Variants in CSMD3 observed in about 807,000 individuals in gnomAD.
The protein encoded by CSMD3 is CUB and Sushi multiple domains 3.
A neutral mutation model predicts 435.2 loss-of-function variants in CSMD3; 177 were observed. The ratio of observed to expected loss-of-function variants is 0.41; its 90% CI spans 0.36 to 0.46. CSMD3 has a LOEUF of 0.46. Among genes scored for constraint, CSMD3 ranks in the 20% least tolerant of loss-of-function variants. The pLI, the probability that CSMD3 is intolerant of heterozygous loss-of-function variation, is 0.34. For synonymous variants in CSMD3, 1,656 were observed against 1,520.5 expected (o/e 1.09, Z -2.07); for missense variants, 4,265 against 4,504.6 (o/e 0.95, Z 1.52).
intron 13 of CSMD3, among the ~76,000 whole-genome samples, chr8:112,790,955 T>A (rs2078672613): frequency 5.9e-5 from 9 of 152,128 alleles, no homozygotes; most frequent in Admixed American, 5.9e-4. Context: ...AATAAACCAC[T>A]CATATTTAAA....
intron 1 of CSMD3, among the ~76,000 whole-genome samples, chr8:113,388,272 A>G (rs2094447672): frequency 6.6e-6 from 1 of 151,738 alleles, no homozygotes; most frequent in Non-Finnish European, 1.5e-5. Context: ...TATCAGCATG[A>G]AGTAAAAAGT....
chr8:113,012,454 T>C (rs891889373), intron 6 of CSMD3, among the ~76,000 whole-genome samples: 2 of 151,958 alleles, frequency 1.3e-5, no homozygotes, highest in African/African-American at 4.8e-5. Context: ...AATCCCCATG[T>C]GTTGAGGGAA....
chr8:112,973,060 G>T lies in CSMD3; in HGVS notation c.1342+2777C>A, dbSNP rs77835255. 6.6e-3 allele frequency among the ~76,000 whole-genome samples: 1,006 copies of T among 152,002 alleles called. 11 individuals carry two copies. The highest frequency in any genetic ancestry group is 0.023 in the African/African-American group (964 of 41,526). ...ATTGTGTTTTGCAAAATAATAGAGT[G>T]ATTGTGAGAGTTACATGCGATGAAT... On this transcript the variant is annotated intron_variant, in intron 7 of 70. Transcript: ENST00000297405.
chr8:112,621,011 C>T (rs909649948), intron 22 of CSMD3, among the ~76,000 whole-genome samples: 3 of 152,002 alleles, frequency 2.0e-5, no homozygotes, highest in Admixed American at 1.3e-4. Context: ...CCGAGGTGGG[C>T]GGATCACCTG....
intron 25 of CSMD3, among the ~76,000 whole-genome samples, chr8:112,555,383 G>A (rs1563697268): frequency 6.6e-6 from 1 of 151,822 alleles, no homozygotes; most frequent in East Asian, 1.9e-4. Flanking sequence ...ATACATTTAT[G>A]GTATTGTGCT....
At chr8:112,363,470 T>A (rs1249695520) in intron 38 of CSMD3, among the ~76,000 whole-genome samples, 1 of 151,954 alleles carries the variant, frequency 6.6e-6, no homozygotes, top group Non-Finnish European at 1.5e-5. Context: ...AATTTAAGCA[T>A]CCTGAGTCTT....
At chr8:112,356,201 T>C (rs1266979978) in intron 38 of CSMD3, among the ~76,000 whole-genome samples, 13 of 151,966 alleles carry the variant, frequency 8.6e-5, no homozygotes, top group Admixed American at 8.5e-4. Flanking sequence ...GGAAAAAAAA[T>C]CATTCTACCA....
chr8:113,174,786 T>A (rs969489620), intron 3 of CSMD3, among the ~76,000 whole-genome samples: 3 of 151,824 alleles, frequency 2.0e-5, no homozygotes, highest in African/African-American at 7.2e-5. Flanking sequence ...ACCTTTATAC[T>A]ACAAATAATA....
chr8:113,079,013 G>A (rs921657206), intron 5 of CSMD3, among the ~76,000 whole-genome samples: 1 of 152,108 alleles, frequency 6.6e-6, no homozygotes, highest in Non-Finnish European at 1.5e-5. Flanking sequence ...TTGCTTCACA[G>A]ACAGAATATG....
At chr8:113,197,166 G>A (rs1329351556) in intron 3 of CSMD3, among the ~76,000 whole-genome samples, 1 of 151,164 alleles carries the variant, frequency 6.6e-6, no homozygotes, top group African/African-American at 2.4e-5. Flanking sequence ...TCAAAACCCA[G>A]GATATTGTGA....
intron 1 of CSMD3, among the ~76,000 whole-genome samples, chr8:113,324,147 C>T (rs1467663028): frequency 6.6e-6 from 1 of 152,110 alleles, no homozygotes; most frequent in African/African-American, 2.4e-5. Context: ...AATTTGCAGC[C>T]TGACAATGTG....
At chr8:112,682,408 T>C (rs936555823) in intron 16 of CSMD3, 34 bp downstream of exon 16, 2 of 1,484,028 alleles carry the variant, frequency 1.3e-6, no homozygotes, top group East Asian at 4.5e-5. Flanking sequence ...ATAATGATGA[T>C]GAGGTTCTAT....
chr8:112,302,628 T>C (rs1464011126), intron 52 of CSMD3, among the ~76,000 whole-genome samples: 1 of 152,064 alleles, frequency 6.6e-6, no homozygotes, highest in East Asian at 1.9e-4. Context: ...TAACAGATCA[T>C]GTTCATTGGG....
Position 112,241,846 on chromosome 8 carries a change from A to ACG in CSMD3, c.10403-62_10403-61insCG, listed in dbSNP as rs1447823173. 12 of 735,856 alleles carry ACG rather than the reference A, an allele frequency of 1.6e-5. No individual in the cohort carries two copies. In the East Asian group the frequency reaches 3.3e-4, roughly 20 times the overall value. 45.6% of individuals were successfully genotyped at this position (735,856 alleles called of 1,614,324 possible). ...TGCAATTAATTACATACACATGCGC[A>ACG]CACACACACACGCACACACACACAC... On this transcript the variant is annotated intron_variant, in intron 65 of 70. Transcript: ENST00000297405.
intron 1 of CSMD3, among the ~76,000 whole-genome samples, chr8:113,407,635 T>C (rs1226009769): frequency 6.6e-6 from 1 of 151,856 alleles, no homozygotes. Context: ...CACGGCCAAT[T>C]TGACAGTGTG....
At chr8:112,464,436 C>A (rs1158988101) in intron 32 of CSMD3, among the ~76,000 whole-genome samples, 1 of 151,750 alleles carries the variant, frequency 6.6e-6, no homozygotes, top group Non-Finnish European at 1.5e-5. Context: ...CTTGAAGTTA[C>A]TAATTTGAGA....
At chr8:113,088,187 A>T (rs1041344778) in intron 5 of CSMD3, among the ~76,000 whole-genome samples, 2 of 150,260 alleles carry the variant, frequency 1.3e-5, no homozygotes, top group Non-Finnish European at 3.0e-5. Flanking sequence ...TTAGAATGGC[A>T]ATCATTAAAA....
chr8:112,556,137 C>T (rs1205526692), intron 25 of CSMD3, among the ~76,000 whole-genome samples: 2 of 151,982 alleles, frequency 1.3e-5, no homozygotes, highest in African/African-American at 2.4e-5. Flanking sequence ...TCTCTATCCA[C>T]ACCTGTCAAT....
At chr8:113,064,311 G>T (rs2088754179) in intron 5 of CSMD3, among the ~76,000 whole-genome samples, 2 of 151,992 alleles carry the variant, frequency 1.3e-5, no homozygotes, top group African/African-American at 2.4e-5. Context: ...AATACAATTA[G>T]TAAGTACCCA....
Sources: allele counts gnomAD v4.1 joint callset (sites outside exome capture counted in the v4.1 genomes callset), GRCh38; gene constraint gnomAD v4.1.1; transcripts MANE v1.5; gene names NCBI Gene and HGNC (gene_info 2026-07-23, HGNC 2026-07-21).